TSPAN3: variants seen among roughly 807,000 people sequenced by gnomAD.
TSPAN3 encodes the protein tetraspanin-3.
TSPAN3 carries 9 observed loss-of-function variants against 31.1 expected under a neutral mutation model. The observed-to-expected ratio is 0.29, with a 90% CI of 0.17 to 0.50. The LOEUF (loss-of-function observed/expected upper bound fraction) is 0.50. TSPAN3 is among the 20% of genes least tolerant of loss of function. TSPAN3 has a pLI of 0.98. For synonymous variants in TSPAN3, 129 were observed against 114.3 expected (o/e 1.13, Z -0.82); for missense variants, 252 against 313.5 (o/e 0.80, Z 1.48).
chr15:77,058,617 T>C (rs995497036), intron 1 of TSPAN3, among the ~76,000 whole-genome samples: 4 of 152,220 alleles, frequency 2.6e-5, no homozygotes, highest in Non-Finnish European at 4.4e-5. Flanking sequence ...AGAGCACGAA[T>C]TGTACCCATC....
rs1273311963 is a variant in TSPAN3, at chr15:77,056,054, C to G, written c.255+10G>C. On this transcript the variant is annotated intron_variant, in intron 2 of 6. Transcript: ENST00000267970. Reference sequence around the variant, plus strand: ...TAAATACTCCTGCATGTTCTCACAACACATCTTACCGTGGCAAGTCCACAG... The same window carrying G: ...TAAATACTCCTGCATGTTCTCACAAGACATCTTACCGTGGCAAGTCCACAG... The G allele has an allele frequency of 1.9e-6, 3 of 1,596,650 alleles. No homozygotes were observed. Among genetic ancestry groups the G allele is most frequent in the African/African-American group, 2.7e-5 (2 of 74,396 alleles).
intron 1 of TSPAN3, among the ~76,000 whole-genome samples, chr15:77,057,469 A>G (rs1449657550): frequency 6.6e-6 from 1 of 152,220 alleles, no homozygotes; most frequent in East Asian, 1.9e-4. Flanking sequence ...ATTTTTTTAC[A>G]CTAGGCCATT....
Position 77,055,873 on chromosome 15 carries a change from A to T in TSPAN3, c.256-10T>A. The T allele has an allele frequency of 6.3e-7, 1 of 1,597,724 alleles. No homozygotes were observed. The highest frequency in any genetic ancestry group is 8.5e-7 in the Non-Finnish European group (1 of 1,175,832). On this transcript the variant is annotated splice_polypyrimidine_tract_variant and intron_variant, in intron 2 of 6. Transcript: ENST00000267970. ...GCAGGATGATGACAAACTGTAAGAAAACATGGTTTAAAATTATATACAAAT... is the reference window on the plus strand; with the variant it reads ...GCAGGATGATGACAAACTGTAAGAATACATGGTTTAAAATTATATACAAAT...
intron 1 of TSPAN3, among the ~76,000 whole-genome samples, chr15:77,066,738 A>G (rs763685140): frequency 6.6e-6 from 1 of 152,178 alleles, no homozygotes; most frequent in Non-Finnish European, 1.5e-5. Context: ...CAAGCTGTAC[A>G]TCCTTTCACT....
Position 77,043,154 on chromosome 15 carries a change from T to C in TSPAN3, c.*3681A>G, listed in dbSNP as rs892114011. 5 of 152,266 alleles carry C rather than the reference T, an allele frequency of 3.3e-5. No homozygotes were observed. Among genetic ancestry groups the C allele is most frequent in the Non-Finnish European group, 2.9e-5 (2 of 68,238 alleles). 9.4% of individuals were successfully genotyped at this position (152,266 alleles called of 1,614,324 possible). A position where few individuals can be genotyped will look rare whatever the true frequency, so the allele number is the denominator to read the frequency against. ...CGGGGGGGCACCTCCAGTAAGTTGA[T>C]TCTCCAGCATGGGACAGGCAGCATA... is the stretch of plus-strand genomic sequence containing the variant. On this transcript the variant is annotated 3_prime_UTR_variant, in exon 7 of 7. Transcript: ENST00000267970.
At chr15:77,054,472 G>C (rs1028494298) in intron 3 of TSPAN3, 193 bp from the exon 4 acceptor site, 2 of 436,228 alleles carry the variant, frequency 4.6e-6, no homozygotes, top group East Asian at 7.8e-5. Flanking sequence ...AAAGTGACAG[G>C]TAAAAATTCA....
chr15:77,048,227 T>C (rs577565949), intron 6 of TSPAN3, among the ~76,000 whole-genome samples: 4 of 152,340 alleles, frequency 2.6e-5, no homozygotes, highest in African/African-American at 9.6e-5. Context: ...GAGAAATACA[T>C]TTCTGTTCTC....
In TSPAN3 at chr15:77,070,931, G is replaced by C; in HGVS notation, c.24C>G (p.Ser8=). Reference sequence around the variant, plus strand: ...TGAGAAAGACCAGCACGGTCTTGGAGGAGGTGATGCCGCACTGGCCCATGG... The same window carrying C: ...TGAGAAAGACCAGCACGGTCTTGGACGAGGTGATGCCGCACTGGCCCATGG... The part of the protein sequence containing the change: MGQCGIT[S]SKTVLVFLNL... Residue 8 remains serine, a synonymous_variant, in exon 1 of 7, where the codon TCC becomes TCG. Coordinates refer to ENST00000267970, the MANE Select transcript of TSPAN3 (RefSeq NM_005724.6). 1 of 1,444,962 alleles carries C rather than the reference G, an allele frequency of 6.9e-7. No homozygotes were observed. The highest frequency in any genetic ancestry group is 9.2e-7 in the Non-Finnish European group (1 of 1,091,288). 89.5% of individuals were successfully genotyped at this position (1,444,962 alleles called of 1,614,324 possible). A position where few individuals can be genotyped will look rare whatever the true frequency, so the allele number is the denominator to read the frequency against.
At chr15:77,057,084 A>G (rs1196548303) in intron 1 of TSPAN3, among the ~76,000 whole-genome samples, 1 of 152,222 alleles carries the variant, frequency 6.6e-6, no homozygotes. Flanking sequence ...GTCTTATTTC[A>G]GCTGCTGCTC....
chr15:77,065,631 T>A (rs1245697146), intron 1 of TSPAN3, among the ~76,000 whole-genome samples: 1 of 152,172 alleles, frequency 6.6e-6, no homozygotes, highest in African/African-American at 2.4e-5. Context: ...TTTCACCGTG[T>A]TAGTCAGGAG....
chr15:77,045,208 G>A lies in TSPAN3; in HGVS notation c.*1627C>T, dbSNP rs1447759628. The A allele has an allele frequency of 6.6e-6, 1 of 152,214 alleles. No individual in the cohort carries two copies. Among genetic ancestry groups the A allele is most frequent in the Non-Finnish European group, 1.5e-5 (1 of 68,092 alleles). 9.4% of individuals were successfully genotyped at this position (152,214 alleles called of 1,614,324 possible). A position where few individuals can be genotyped will look rare whatever the true frequency, so the allele number is the denominator to read the frequency against. ...AGCCAGAAACCTGGGACTCATCCTAGATGAGTCTTCTCTTCTCCCTTCTCT... is the reference window on the plus strand; with the variant it reads ...AGCCAGAAACCTGGGACTCATCCTAAATGAGTCTTCTCTTCTCCCTTCTCT... On this transcript the variant is annotated 3_prime_UTR_variant, in exon 7 of 7. Coordinates refer to ENST00000267970, the MANE Select transcript of TSPAN3 (RefSeq NM_005724.6).
intron 1 of TSPAN3, chr15:77,063,484 A>G (rs1271056263): frequency 6.6e-6 from 1 of 151,978 alleles, no homozygotes; most frequent in East Asian, 1.9e-4. Context: ...TGTAGCTAGG[A>G]TTACAGGCAT....
chr15:77,061,551 T>TA (rs1258785436), intron 1 of TSPAN3, among the ~76,000 whole-genome samples: 14 of 152,136 alleles, frequency 9.2e-5, no homozygotes, highest in African/African-American at 3.1e-4. Flanking sequence ...AAAAAAAAGT[T>TA]AAAATCTGTA....
Position 77,071,042 on chromosome 15 carries a change from G to T in TSPAN3, c.-88C>A. On this transcript the variant is annotated 5_prime_UTR_variant, in exon 1 of 7. Coordinates refer to ENST00000267970, the MANE Select transcript of TSPAN3 (RefSeq NM_005724.6). ...AATGGCGGCGGCGCCTCCTCGCTAG[G>T]AACTGCACGGCCTGCGCGGCGCTCC... The T allele has an allele frequency of 1.0e-6, 1 of 955,500 alleles. No homozygotes were observed. The allele number at this position is 955,500 out of a possible 1,614,324, so 59.2% of individuals were successfully genotyped here.
intron 4 of TSPAN3, among the ~76,000 whole-genome samples, chr15:77,053,490 A>AAAAAAAAAAAAAAAAAAAAAAAAT (rs2076746488): frequency 7.6e-6 from 1 of 131,242 alleles, no homozygotes; most frequent in Admixed American, 7.8e-5. Context: ...AAAAAAAAAA[A>AAAAAAAAAAAAAAAAAAAAAAAAT]AAAAGAAAAG....
At chr15:77,055,918 C>T in intron 2 of TSPAN3, 55 bp from the exon 3 acceptor site, 4 of 1,547,282 alleles carry the variant, frequency 2.6e-6, no homozygotes, top group Non-Finnish European at 2.6e-6. Flanking sequence ...ACTTTAAATA[C>T]ACTCTTGATT....
rs368506086 is a variant in TSPAN3 at position 77,046,901 on chromosome 15, G to A, written c.696C>T (p.Ile232=). Residue 232 remains isoleucine, a synonymous_variant, in exon 7 of 7, where the codon ATC becomes ATT. Coordinates refer to ENST00000267970, the MANE Select transcript of TSPAN3 (RefSeq NM_005724.6). ...GATCTCTACTCCTTCTGCACAACACGATGCAAGCACACAGCATGCCCAGCA... is the reference window on the plus strand; with the variant it reads ...GATCTCTACTCCTTCTGCACAACACAATGCAAGCACACAGCATGCCCAGCA... The part of the protein sequence containing the change: ...IQLLGMLCAC[I]VLCRRSRDPA... The A allele has an allele frequency of 8.8e-5, 139 of 1,587,362 alleles. 3 individuals carry two copies. The highest frequency in any genetic ancestry group is 6.8e-4 in the South Asian group (60 of 87,778).
intron 2 of TSPAN3, 89 bp from the exon 3 acceptor site, chr15:77,055,952 T>G (rs1452707402): frequency 9.2e-6 from 14 of 1,519,928 alleles, no homozygotes; most frequent in African/African-American, 2.8e-5. Flanking sequence ...CAGAGATAAT[T>G]GCTAGAAGTT....
intron 3 of TSPAN3, chr15:77,054,770 T>C (rs1596162332): frequency 6.6e-6 from 1 of 152,380 alleles, no homozygotes; most frequent in African/African-American, 2.4e-5. Flanking sequence ...AATCGGCAGG[T>C]TTAAAAAAAT....
Sources: allele counts gnomAD v4.1 joint callset (sites outside exome capture counted in the v4.1 genomes callset), GRCh38; gene constraint gnomAD v4.1.1; transcripts MANE v1.5; gene names NCBI Gene and HGNC (gene_info 2026-07-23, HGNC 2026-07-21).